Variants in MYO18B observed in about 807,000 individuals in gnomAD.
MYO18B encodes unconventional myosin-XVIIIb.
In MYO18B, 204 loss-of-function variants were observed where a neutral mutation model predicts 273.0. The observed-to-expected ratio is 0.75, with a 90% confidence interval of 0.67 to 0.84. The LOEUF (loss-of-function observed/expected upper bound fraction) is 0.84. Ranked by LOEUF, MYO18B falls within the 40% of genes least tolerant of loss-of-function variation. The pLI is 0.00. For missense variants in MYO18B, 3,212 were observed against 3,287.6 expected (o/e 0.98, Z 0.56); for synonymous variants, 1,330 against 1,305.7 (o/e 1.02, Z -0.40).
chr22:25,826,802 G>A (rs1429927625), intron 14 of MYO18B, among the ~76,000 whole-genome samples: 2 of 152,196 alleles, frequency 1.3e-5, no homozygotes, highest in Admixed American at 1.3e-4. Flanking sequence ...GCTCATGCCT[G>A]TAATCCCAGT....
At chr22:25,843,078 G>C (rs1379242696) in intron 17 of MYO18B, among the ~76,000 whole-genome samples, 2 of 152,050 alleles carry the variant, frequency 1.3e-5, no homozygotes, top group Non-Finnish European at 2.9e-5. Flanking sequence ...TTTTACAGAC[G>C]AGGAAACTGA....
chr22:25,792,828 G>T (rs911289231), intron 11 of MYO18B, among the ~76,000 whole-genome samples: 4 of 152,164 alleles, frequency 2.6e-5, no homozygotes, highest in Non-Finnish European at 5.9e-5. Flanking sequence ...TCCCGTTCCG[G>T]GAGGCAGAGG....
intron 34 of MYO18B, among the ~76,000 whole-genome samples, chr22:25,927,989 G>C (rs2092445178): frequency 6.6e-6 from 1 of 152,154 alleles, no homozygotes; most frequent in Non-Finnish European, 1.5e-5. Flanking sequence ...TGAATTGCTG[G>C]TTAGATAAGG....
Position 25,967,578 on chromosome 22 carries a change from G to A in MYO18B, c.6156+12214G>A, listed in dbSNP as rs147288317. On this transcript the variant is annotated intron_variant, in intron 39 of 43. Coordinates refer to ENST00000335473, the MANE Select transcript of MYO18B (RefSeq NM_032608.7). ...AGGATCGACCAAGCAGTTGGGAAGC[G>A]AAATGGTTTTTTTGGGAGAATTGGC... is the stretch of plus-strand genomic sequence containing the variant. 2.0e-3 allele frequency among the ~76,000 whole-genome samples: 312 copies of A among 152,310 alleles called. 1 individual carries two copies. Among genetic ancestry groups the A allele is most frequent in the African/African-American group, 7.0e-3 (293 of 41,570 alleles).
chr22:25,950,326 CTCAGGG>C, intron 36 of MYO18B, 35 bp from the exon 37 acceptor site: 3 of 1,510,096 alleles, frequency 2.0e-6, no homozygotes, highest in Non-Finnish European at 2.7e-6. Context: ...GGCTTGTGGA[CTCAGGG>C]TGATATATAT....
intron 21 of MYO18B, among the ~76,000 whole-genome samples, chr22:25,860,587 C>A (rs578110056): frequency 5.9e-5 from 9 of 152,068 alleles, no homozygotes; most frequent in Non-Finnish European, 1.3e-4. Context: ...TTCTTTGGCC[C>A]GTTGTTTATT....
intron 42 of MYO18B, among the ~76,000 whole-genome samples, chr22:26,023,449 C>A (rs543745691): frequency 2.0e-5 from 3 of 151,902 alleles, no homozygotes; most frequent in African/African-American, 7.2e-5. Flanking sequence ...TTTTTTCCCC[C>A]CTATGTTTTT....
intron 18 of MYO18B, 74 bp downstream of exon 18, chr22:25,843,968 C>A: frequency 7.0e-7 from 1 of 1,419,862 alleles, no homozygotes; most frequent in Non-Finnish European, 9.6e-7. Context: ...CTAAACTAGG[C>A]AGTCACTACA....
At chr22:25,954,175 T>C (rs1024982910) in intron 38 of MYO18B, among the ~76,000 whole-genome samples, 15 of 152,120 alleles carry the variant, frequency 9.9e-5, no homozygotes, top group African/African-American at 3.4e-4. Flanking sequence ...CAGAACAGTC[T>C]TTGGGTTTGT....
At chr22:25,802,393 A>G (rs144284397) in intron 12 of MYO18B, among the ~76,000 whole-genome samples, 2 of 152,114 alleles carry the variant, frequency 1.3e-5, no homozygotes, top group Non-Finnish European at 2.9e-5. Context: ...CTATGCAGGC[A>G]TGATTGATCA....
chr22:25,971,958 A>AT (rs924797167), intron 39 of MYO18B, among the ~76,000 whole-genome samples: 3 of 151,626 alleles, frequency 2.0e-5, no homozygotes, highest in Admixed American at 2.0e-4. Flanking sequence ...AAAAAAAAAA[A>AT]TTTTTTTAGT....
rs751377606 is a variant in MYO18B, at chr22:25,955,261, G to A, written c.6053G>A (p.Arg2018Gln). ...GCGGCCACCTCCGAGTCCCAGCAGC[G>A]GGAGAGCAGCCAGTACTACCAGCGG... Reference protein sequence around the residue: ...SQAATSESQQRESSQYYQRRL... With the variant: ...SQAATSESQQQESSQYYQRRL... Residue 2018 changes from arginine (R) to glutamine (Q), a missense_variant, in exon 39 of 44, where the codon CGG (arginine) becomes CAG (glutamine). Transcript: ENST00000335473. 35 of 1,613,582 alleles carry A rather than the reference G, an allele frequency of 2.2e-5. No homozygotes were observed. In the African/African-American group the frequency reaches 3.1e-4, roughly 14 times the overall value.
the MYO18B span, among the ~76,000 whole-genome samples, chr22:26,058,385 A>G: frequency 6.6e-6 from 1 of 152,278 alleles, no homozygotes; most frequent in East Asian, 1.9e-4. Flanking sequence ...CATTAACTCA[A>G]GAGAAATGTG....
In MYO18B at chr22:25,801,690, T is replaced by C. The variant is rs1235010011; in HGVS notation, c.2521+3593T>C. On this transcript the variant is annotated intron_variant, in intron 12 of 43. Transcript: ENST00000335473. ...AGCCAGTACCTTCCAGAGTGGGGTT[T>C]GGGCCATTCTCATTTTCCTGGGGCC... 5.9e-5 allele frequency among the ~76,000 whole-genome samples: 9 copies of C among 152,298 alleles called. No individual in the cohort carries two copies. In the South Asian group the frequency reaches 1.7e-3, roughly 28 times the overall value.
intron 40 of MYO18B, among the ~76,000 whole-genome samples, chr22:26,002,555 G>A (rs1358063396): frequency 1.3e-5 from 2 of 152,224 alleles, no homozygotes; most frequent in Non-Finnish European, 2.9e-5. Flanking sequence ...AGAATACTGA[G>A]AAGCCCCAGC....
At chr22:25,898,052 T>G (rs1601513166) in intron 28 of MYO18B, 6 of 417,030 alleles carry the variant, frequency 1.4e-5, no homozygotes, top group South Asian at 3.9e-5. Flanking sequence ...TGGCTGGAGG[T>G]TTATTGAGCA....
chr22:25,796,808 T>A (rs1312070644), intron 11 of MYO18B, among the ~76,000 whole-genome samples: 1 of 152,174 alleles, frequency 6.6e-6, no homozygotes, highest in Non-Finnish European at 1.5e-5. Context: ...CGTATCAGTA[T>A]TTACCAATCA....
intron 15 of MYO18B, among the ~76,000 whole-genome samples, 182 bp downstream of exon 15, chr22:25,829,150 G>A (rs1302085126): frequency 9.2e-5 from 14 of 152,172 alleles, no homozygotes; most frequent in Admixed American, 9.2e-4. Context: ...CCACAGCCCA[G>A]CCTCCCCCTG....
Position 25,847,614 on chromosome 22 carries a change from G to A in MYO18B, c.3737G>A (p.Gly1246Glu). Residue 1246 changes from glycine to glutamate, a missense_variant, in exon 20 of 44, where the codon GGG becomes GAG. Transcript: ENST00000335473. ...CCAGCACTGAGGGTCCAGCTTGCTG[G>A]GTTCCACATCCTGGAGGCTCTGCGT... ...DIPALRVQLA[G>E]FHILEALRLH... The A allele has an allele frequency of 1.3e-6, 2 of 1,563,410 alleles. No individual in the cohort carries two copies. The highest frequency in any genetic ancestry group is 1.2e-5 in the South Asian group (1 of 84,638).
Sources: gnomAD v4.1 joint callset for allele counts (sites outside exome capture counted in the v4.1 genomes callset) on GRCh38, gnomAD v4.1.1 for gene constraint, MANE v1.5 for transcripts, NCBI Gene and HGNC (gene_info 2026-07-23, HGNC 2026-07-21) for gene names.